The following FARS2 variants were observed in gnomAD, a reference collection of about 807,000 sequenced individuals.
FARS2 encodes the protein phenylalanine--tRNA ligase, mitochondrial.
In FARS2, 40 loss-of-function variants were observed where a neutral mutation model predicts 46.4. The ratio of observed to expected loss-of-function variants is 0.86; its 90% CI spans 0.67 to 1.12. FARS2 has a LOEUF of 1.12. Ranked by LOEUF, FARS2 falls within the 50% of genes most tolerant of loss-of-function variation. The pLI is 0.00. For synonymous variants in FARS2, 234 were observed against 214.9 expected (o/e 1.09, Z -0.78); for missense variants, 513 against 567.9 (o/e 0.90, Z 0.98).
chr6:5,589,853 A>G (rs1773816327), intron 5 of FARS2, among the ~76,000 whole-genome samples: 1 of 152,238 alleles, frequency 6.6e-6, no homozygotes, highest in South Asian at 2.1e-4. Context: ...TACAGAGCAC[A>G]TTAAAAAATT....
chr6:5,591,795 T>C (rs1431497583), intron 5 of FARS2, among the ~76,000 whole-genome samples: 1 of 152,230 alleles, frequency 6.6e-6, no homozygotes, highest in Non-Finnish European at 1.5e-5. Flanking sequence ...TAGTACTGTG[T>C]TTGTACTTCA....
At chr6:5,417,573 C>A (rs1762311837) in intron 3 of FARS2, among the ~76,000 whole-genome samples, 2 of 152,124 alleles carry the variant, frequency 1.3e-5, no homozygotes, top group East Asian at 3.8e-4. Context: ...TTCTCACTTG[C>A]CCTGTTTCCT....
At chr6:5,418,544 C>T (rs1035870792) in intron 3 of FARS2, among the ~76,000 whole-genome samples, 1 of 152,224 alleles carries the variant, frequency 6.6e-6, no homozygotes, top group African/African-American at 2.4e-5. Flanking sequence ...CCTGTGTGAG[C>T]TCCAACTTTA....
At chr6:5,457,244 C>T (rs1445321195) in intron 4 of FARS2, among the ~76,000 whole-genome samples, 2 of 152,060 alleles carry the variant, frequency 1.3e-5, no homozygotes, top group African/African-American at 4.8e-5. Flanking sequence ...TCCTCCACCA[C>T]ACCCACCTCC....
At chr6:5,576,043 A>G (rs894990630) in intron 5 of FARS2, among the ~76,000 whole-genome samples, 2 of 152,196 alleles carry the variant, frequency 1.3e-5, no homozygotes, top group Admixed American at 6.5e-5. Flanking sequence ...CCCTTTACAC[A>G]TTATAATTAA....
intron 5 of FARS2, among the ~76,000 whole-genome samples, chr6:5,548,640 A>T (rs1261545325): frequency 1.3e-5 from 2 of 152,244 alleles, no homozygotes; most frequent in Non-Finnish European, 2.9e-5. Context: ...GGTGTGACAA[A>T]TAAAGATGAA....
chr6:5,295,074 T>C (rs1767761711), intron 1 of FARS2, among the ~76,000 whole-genome samples: 1 of 152,062 alleles, frequency 6.6e-6, no homozygotes, highest in African/African-American at 2.4e-5. Context: ...CAAAAACCAA[T>C]ATACCTCTTA....
At chr6:5,354,810 G>A (rs902603851) in intron 1 of FARS2, among the ~76,000 whole-genome samples, 2 of 152,054 alleles carry the variant, frequency 1.3e-5, no homozygotes, top group Admixed American at 1.3e-4. Context: ...ACCGCGCCCG[G>A]CCTATGCTAG....
At position 5,442,692 on chromosome 6, in the gene FARS2, C is replaced by T. The variant is rs142676825; in HGVS notation, c.904+11520C>T. ...GTTCTGTCAGATTTAGTCCCACCCT[C>T]GGTGACAGTTTCCCTTGGCTGGGAA... On this transcript the variant is annotated intron_variant, in intron 4 of 6. Transcript: ENST00000274680. Among the ~76,000 whole-genome samples the T allele has an allele frequency of 6.6e-5, 10 of 152,268 alleles. No individual in the cohort carries two copies. The East Asian group carries it at 1.7e-3, about 26-fold the overall frequency.
intron 5 of FARS2, among the ~76,000 whole-genome samples, chr6:5,576,657 C>T (rs1237017416): frequency 1.1e-5 from 1 of 90,126 alleles, no homozygotes; most frequent in Non-Finnish European, 2.5e-5. Flanking sequence ...CCTATTAGTT[C>T]TGTCCCTCTA....
chr6:5,529,596 G>C (rs1185096470), intron 4 of FARS2, among the ~76,000 whole-genome samples: 2 of 152,210 alleles, frequency 1.3e-5, no homozygotes, highest in African/African-American at 2.4e-5. Flanking sequence ...GTCAGCCGCT[G>C]TGCCCAGCCT....
intron 2 of FARS2, among the ~76,000 whole-genome samples, chr6:5,390,313 T>C (rs1350077724): frequency 6.6e-6 from 1 of 152,236 alleles, no homozygotes; most frequent in Non-Finnish European, 1.5e-5. Flanking sequence ...GTAGGTATAA[T>C]TATTTCATCA....
chr6:5,527,336 G>T (rs1301516383), intron 4 of FARS2, among the ~76,000 whole-genome samples: 2 of 152,184 alleles, frequency 1.3e-5, no homozygotes, highest in African/African-American at 4.8e-5. Context: ...TTGGCTCAGA[G>T]GATTTATTCA....
At chr6:5,500,110 G>A (rs1465409954) in intron 4 of FARS2, among the ~76,000 whole-genome samples, 1 of 152,156 alleles carries the variant, frequency 6.6e-6, no homozygotes, top group Non-Finnish European at 1.5e-5. Flanking sequence ...CAGCAGTTTT[G>A]CCACTTGCCA....
At position 5,582,167 on chromosome 6, in the gene FARS2, A is replaced by G. The variant is rs377600675; in HGVS notation, c.1066-31002A>G. ...TCCTGATGTGCTTTTATAAATGGTC[A>G]CAGTAAGATACTTCCGGTTAATTCC... On this transcript the variant is annotated intron_variant, in intron 5 of 6. Transcript: ENST00000274680. 2.0e-4 allele frequency among the ~76,000 whole-genome samples: 23 copies of G among 114,278 alleles called. 1 individual carries two copies. In the East Asian group the frequency reaches 5.4e-3, roughly 27 times the overall value. The allele number at this position is 114,278 out of a possible 152,430, so 75.0% of individuals were successfully genotyped here. A position where few individuals can be genotyped will look rare whatever the true frequency, so the allele number is the denominator to read the frequency against.
chr6:5,254,162 A>G, the FARS2 span, among the ~76,000 whole-genome samples: 2 of 152,240 alleles, frequency 1.3e-5, no homozygotes, highest in African/African-American at 4.8e-5. Flanking sequence ...TGGTCAACAG[A>G]AACGGCCCAA....
intron 1 of FARS2, among the ~76,000 whole-genome samples, chr6:5,280,231 A>G (rs986581487): frequency 4.6e-5 from 7 of 152,224 alleles, no homozygotes; most frequent in Non-Finnish European, 1.0e-4. Flanking sequence ...TATGATGAAA[A>G]TATCTTGATT....
chr6:5,613,308 T>C lies in FARS2; in HGVS notation c.1205T>C (p.Phe402Ser). 6.2e-7 allele frequency: 1 copy of C among 1,612,870 alleles called. No individual in the cohort carries two copies. The highest frequency in any genetic ancestry group is 8.5e-7 in the Non-Finnish European group (1 of 1,179,566). The part of the protein sequence containing the change: ...LVEKVDLIDK[F>S]VHPKTHKTSH... ...GAAAAGGTTGATCTCATAGACAAGT[T>C]TGTACATCCAAAGTAAGTGAAAAGC... The change falls in exon 6 of 7, where the codon TTT (phenylalanine) becomes TCT (serine). Residue 402 changes from phenylalanine (F) to serine (S), a missense_variant. Phe to Ser is a radical substitution (Grantham distance 155, BLOSUM62 -2). Transcript: ENST00000274680.
intron 5 of FARS2, among the ~76,000 whole-genome samples, chr6:5,601,566 G>A (rs1251292269): frequency 4.0e-5 from 6 of 148,286 alleles, no homozygotes; most frequent in Admixed American, 1.3e-4. Flanking sequence ...AGAGTGGGGA[G>A]GCCTCAAAGT....
Sources: allele counts gnomAD v4.1 joint callset (sites outside exome capture counted in the v4.1 genomes callset), GRCh38; gene constraint gnomAD v4.1.1; transcripts MANE v1.5; gene names NCBI Gene and HGNC (gene_info 2026-07-23, HGNC 2026-07-21).